ADAMTS17: variants seen among roughly 807,000 people sequenced by gnomAD.
ADAMTS17 encodes A disintegrin and metalloproteinase with thrombospondin motifs 17.
Under a neutral mutation model 141.5 loss-of-function variants are expected in ADAMTS17, and 113 were observed. The ratio of observed to expected loss-of-function variants is 0.80; its 90% CI spans 0.69 to 0.93. The LOEUF is 0.93. ADAMTS17 is among the 40% of genes least tolerant of loss of function. ADAMTS17 has a pLI of 0.00. For missense variants in ADAMTS17, 1,659 were observed against 1,517.9 expected, an observed-to-expected ratio of 1.09 and a Z score of -1.54; for synonymous variants, 768 against 630.6, an observed-to-expected ratio of 1.22 and a Z score of -3.27.
chr15:100,058,263 G>GGCTCTAACCCTCCTATCCCGGCTCTTA lies in ADAMTS17; in HGVS notation c.2138-4210_2138-4209insTAAGAGCCGGGATAGGAGGGTTAGAGC, dbSNP rs1567101913. Among the ~76,000 whole-genome samples, 2 of 30,822 alleles carry GGCTCTAACCCTCCTATCCCGGCTCTTA rather than the reference G, an allele frequency of 6.5e-5. 1 individual carries two copies. The highest frequency in any genetic ancestry group is 1.2e-4 in the Non-Finnish European group (2 of 17,386). 20.2% of individuals were successfully genotyped at this position (30,822 alleles called of 152,430 possible). A position where few individuals can be genotyped will look rare whatever the true frequency, so the allele number is the denominator to read the frequency against. On this transcript the variant is annotated intron_variant, in intron 15 of 21. Transcript: ENST00000268070. The stretch of plus-strand genomic sequence containing the variant: ...GCTCTGACCCTCCTATCCCGGCTCT[G>GGCTCTAACCCTCCTATCCCGGCTCTTA]ACACCCCTATCCCGGCTCTAACCCT...
At position 100,017,839 on chromosome 15, in the gene ADAMTS17, C is replaced by CT. The variant is rs533960663; in HGVS notation, c.2592-20251dup. On this transcript the variant is annotated intron_variant, in intron 18 of 21. Coordinates refer to ENST00000268070, the MANE Select transcript of ADAMTS17 (RefSeq NM_139057.4). Reference sequence around the variant, plus strand: ...TCATCACACAGACTTCCTATTATGTCTTTTTTGATTATAGTCATGCTAGTA... The same window carrying CT: ...TCATCACACAGACTTCCTATTATGTCTTTTTTTGATTATAGTCATGCTAGTA... 1.8e-4 allele frequency among the ~76,000 whole-genome samples: 27 copies of CT among 152,200 alleles called. No individual in the cohort carries two copies. The East Asian group carries it at 4.8e-3, about 27-fold the overall frequency.
At chr15:100,042,843 C>T (rs1392277750) in intron 18 of ADAMTS17, among the ~76,000 whole-genome samples, 1 of 152,152 alleles carries the variant, frequency 6.6e-6, no homozygotes, top group Non-Finnish European at 1.5e-5. Context: ...CAGAAATTTT[C>T]CTTTTAATAT....
At chr15:100,197,751 G>A (rs747574224) in intron 8 of ADAMTS17, among the ~76,000 whole-genome samples, 5 of 152,024 alleles carry the variant, frequency 3.3e-5, no homozygotes, top group Non-Finnish European at 5.9e-5. Context: ...CATACAATAG[G>A]TACGGAAAGG....
intron 8 of ADAMTS17, among the ~76,000 whole-genome samples, chr15:100,175,112 C>T (rs554489354): frequency 2.0e-5 from 3 of 152,256 alleles, no homozygotes; most frequent in South Asian, 2.1e-4. Context: ...TGAAGGGATT[C>T]GATCTCACAT....
chr15:100,296,215 T>G (rs2044804516), intron 3 of ADAMTS17, among the ~76,000 whole-genome samples: 1 of 152,042 alleles, frequency 6.6e-6, no homozygotes, highest in African/African-American at 2.4e-5. Context: ...GCAAACAACA[T>G]GTTTTCCAAT....
At chr15:100,103,630 G>C (rs1203255017) in intron 14 of ADAMTS17, among the ~76,000 whole-genome samples, 1 of 151,250 alleles carries the variant, frequency 6.6e-6, no homozygotes, top group Non-Finnish European at 1.5e-5. Context: ...CCAGGCTAGA[G>C]TGCACTGGTG....
intron 18 of ADAMTS17, among the ~76,000 whole-genome samples, chr15:100,006,299 G>A (rs1596210213): frequency 2.0e-5 from 3 of 152,116 alleles, no homozygotes; most frequent in Admixed American, 6.5e-5. Flanking sequence ...GACACCTGTG[G>A]GGCCGTTATT....
intron 4 of ADAMTS17, among the ~76,000 whole-genome samples, chr15:100,267,673 C>CCCT (rs2043764998): frequency 6.7e-6 from 1 of 148,902 alleles, no homozygotes; most frequent in African/African-American, 2.5e-5. Flanking sequence ...GCCCTTGCCC[C>CCCT]CCTCCCTGTC....
chr15:100,238,379 C>T (rs1039828110), intron 7 of ADAMTS17, among the ~76,000 whole-genome samples: 6 of 152,216 alleles, frequency 3.9e-5, no homozygotes, highest in African/African-American at 1.2e-4. Context: ...AAACATCACC[C>T]CACAAGAGCA....
intron 15 of ADAMTS17, among the ~76,000 whole-genome samples, chr15:100,079,925 C>G (rs2034621646): frequency 6.6e-6 from 1 of 152,164 alleles, no homozygotes; most frequent in African/African-American, 2.4e-5. Flanking sequence ...GAAGAGGCTG[C>G]AAAGAACGGT....
chr15:100,040,692 A>C (rs949731598), intron 18 of ADAMTS17, among the ~76,000 whole-genome samples: 1 of 152,054 alleles, frequency 6.6e-6, no homozygotes, highest in Non-Finnish European at 1.5e-5. Context: ...AAAAAAAAAA[A>C]AACCTCTGAA....
rs1567620808 is a variant in ADAMTS17 at position 99,972,301 on chromosome 15, C to G, written c.*2101G>C. On this transcript the variant is annotated 3_prime_UTR_variant, in exon 22 of 22. Coordinates refer to ENST00000268070, the MANE Select transcript of ADAMTS17 (RefSeq NM_139057.4). ...ATGAGCTAAAAGAGCTCTGCAGATG[C>G]AGACTTTAGGGGAACTAATGGGGGT... 1 of 152,156 alleles carries G rather than the reference C, an allele frequency of 6.6e-6. No homozygotes were observed. The highest frequency in any genetic ancestry group is 2.1e-4 in the South Asian group (1 of 4,824). 9.4% of individuals were successfully genotyped at this position (152,156 alleles called of 1,614,324 possible). A position where few individuals can be genotyped will look rare whatever the true frequency, so the allele number is the denominator to read the frequency against.
At chr15:100,103,894 C>T (rs879811944) in intron 14 of ADAMTS17, among the ~76,000 whole-genome samples, 2 of 152,178 alleles carry the variant, frequency 1.3e-5, no homozygotes, top group Non-Finnish European at 1.5e-5. Flanking sequence ...AATATGCAAT[C>T]AAAGGCTTTC....
intron 3 of ADAMTS17, among the ~76,000 whole-genome samples, chr15:100,307,240 T>C (rs11631088): frequency 0.072 from 11,034 of 152,228 alleles, 582 homozygotes; most frequent in Non-Finnish European, 0.11. Flanking sequence ...CTCTGCTTCT[T>C]GGACAGAGGG....
At chr15:100,122,412 T>C (rs1239023110) in intron 12 of ADAMTS17, among the ~76,000 whole-genome samples, 1 of 152,186 alleles carries the variant, frequency 6.6e-6, no homozygotes, top group African/African-American at 2.4e-5. Context: ...CCAATTGCTA[T>C]GCGGCAGGAC....
intron 3 of ADAMTS17, among the ~76,000 whole-genome samples, chr15:100,301,876 C>A (rs4965634): frequency 0.54 from 82,401 of 151,568 alleles, 23,236 homozygotes; most frequent in African/African-American, 0.69. Context: ...TTAAAGCATC[C>A]TAATTTATGT....
In ADAMTS17 at chr15:100,074,379, A is replaced by G. The variant is rs549781666; in HGVS notation, c.2138-20325T>C. Reference sequence around the variant, plus strand: ...ATCTCATATATAACATATTTTATGCATAATATAATCATATTAAAGACATAT... The same window carrying G: ...ATCTCATATATAACATATTTTATGCGTAATATAATCATATTAAAGACATAT... On this transcript the variant is annotated intron_variant, in intron 15 of 21. Coordinates refer to ENST00000268070, the MANE Select transcript of ADAMTS17 (RefSeq NM_139057.4). 1.1e-4 allele frequency among the ~76,000 whole-genome samples: 16 copies of G among 145,800 alleles called. No homozygotes were observed. The South Asian group carries it at 3.1e-3, about 28-fold the overall frequency.
intron 6 of ADAMTS17, 105 bp from the exon 7 acceptor site, chr15:100,254,284 T>A (rs970531043): frequency 2.9e-6 from 3 of 1,047,172 alleles, no homozygotes. Context: ...ATGTTATTTT[T>A]CCAGTGGACA....
Position 100,300,960 on chromosome 15 carries a change from T to G in ADAMTS17, c.617-19559A>C, listed in dbSNP as rs116137517. ...TATTTGTCATCATTTAATTGTTCTGTGTTTAATGTTAGCCTCTTCCACCAC... is the reference window on the plus strand; with the variant it reads ...TATTTGTCATCATTTAATTGTTCTGGGTTTAATGTTAGCCTCTTCCACCAC... On this transcript the variant is annotated intron_variant, in intron 3 of 21. Transcript: ENST00000268070. 8.7e-3 allele frequency among the ~76,000 whole-genome samples: 1,319 copies of G among 152,358 alleles called. 9 individuals carry two copies. The highest frequency in any genetic ancestry group is 0.029 in the African/African-American group (1,214 of 41,582).
Sources: gnomAD v4.1 joint callset for allele counts (sites outside exome capture counted in the v4.1 genomes callset) on GRCh38, gnomAD v4.1.1 for gene constraint, MANE v1.5 for transcripts, NCBI Gene and HGNC (gene_info 2026-07-23, HGNC 2026-07-21) for gene names.